PPHLN1: variants seen among roughly 807,000 people sequenced by gnomAD.
PPHLN1 encodes periphilin 1, also known as periphilin-1.
Under a neutral mutation model 51.3 loss-of-function variants are expected in PPHLN1, and 29 were observed. That is an observed-to-expected ratio of 0.57 (90% CI 0.42 to 0.77). The LOEUF (loss-of-function observed/expected upper bound fraction) is 0.77, where lower values mean the gene tolerates loss of function less well. Among genes scored for constraint, PPHLN1 ranks in the 30% least tolerant of loss-of-function variants. PPHLN1 has a pLI of 0.00. For synonymous variants in PPHLN1, 147 were observed against 147.8 expected, an observed-to-expected ratio of 0.99 and a Z score of 0.04; for missense variants, 436 against 438.4, an observed-to-expected ratio of 0.99 and a Z score of 0.05.
At chr12:42,359,742 G>A (rs1158423024) in intron 4 of PPHLN1, 1 of 152,218 alleles carries the variant, frequency 6.6e-6, no homozygotes, top group Non-Finnish European at 1.5e-5. Context: ...GGAAAGCCAT[G>A]TCAGTATTTT....
At chr12:42,376,406 A>G (rs1248551425) in intron 5 of PPHLN1, among the ~76,000 whole-genome samples, 1 of 152,218 alleles carries the variant, frequency 6.6e-6, no homozygotes, top group African/African-American at 2.4e-5. Context: ...GCAGAGATAG[A>G]TAGAGTGGGG....
intron 9 of PPHLN1, among the ~76,000 whole-genome samples, chr12:42,430,041 G>T (rs928815609): frequency 6.6e-6 from 1 of 152,078 alleles, no homozygotes; most frequent in African/African-American, 2.4e-5. Context: ...ACCAATGGCC[G>T]GGGGAGCTCC....
At position 42,335,865 on chromosome 12, in the gene PPHLN1, T is replaced by TC; in HGVS notation, c.-20-17dup. ...TACTTCCTAGTATAAAATCCATAAT[T>TC]CTTTTTTTTTTCTTTAGTGGCTTAC... On this transcript the variant is annotated splice_polypyrimidine_tract_variant and intron_variant, in intron 1 of 9. Coordinates refer to ENST00000358314, the MANE Select transcript of PPHLN1 (RefSeq NM_201439.2). 1 of 1,422,268 alleles carries TC rather than the reference T, an allele frequency of 7.0e-7. No individual in the cohort carries two copies. The highest frequency in any genetic ancestry group is 2.1e-5 in the Admixed American group (1 of 47,862). The allele number at this position is 1,422,268 out of a possible 1,614,324, so 88.1% of individuals were successfully genotyped here.
chr12:42,327,773 A>G (rs573476806), intron 1 of PPHLN1, among the ~76,000 whole-genome samples: 7 of 152,304 alleles, frequency 4.6e-5, no homozygotes, highest in African/African-American at 1.7e-4. Context: ...CTTGGCACAT[A>G]AGACAGTCAG....
At chr12:42,446,299 C>T (rs1283956124), downstream of PPHLN1, 1 of 1,562,682 alleles carries the variant, frequency 6.4e-7, no homozygotes. Context: ...AGGTATTGGT[C>T]CTTTTTATTC....
chr12:42,341,795 G>A (rs144971451), intron 2 of PPHLN1, among the ~76,000 whole-genome samples: 9 of 152,028 alleles, frequency 5.9e-5, no homozygotes, highest in Non-Finnish European at 1.3e-4. Context: ...CTAATTTTTT[G>A]TATTTTTGGT....
At chr12:42,330,428 A>G (rs2137660560) in intron 1 of PPHLN1, among the ~76,000 whole-genome samples, 1 of 152,318 alleles carries the variant, frequency 6.6e-6, no homozygotes, top group East Asian at 1.9e-4. Context: ...CTCATTGGGG[A>G]GAAACCTTGG....
At chr12:42,433,186 T>C (rs2082189509) in intron 9 of PPHLN1, 2 of 766,138 alleles carry the variant, frequency 2.6e-6, no homozygotes, top group Non-Finnish European at 4.9e-6. Context: ...ATCCAAACTT[T>C]AGCCACCCAC....
At chr12:42,370,747 G>A (rs2075723123) in intron 4 of PPHLN1, among the ~76,000 whole-genome samples, 1 of 152,104 alleles carries the variant, frequency 6.6e-6, no homozygotes, top group Non-Finnish European at 1.5e-5. Flanking sequence ...TTCTTCACTA[G>A]CTATATCTTA....
chr12:42,412,849 A>C (rs2079999594), intron 9 of PPHLN1, among the ~76,000 whole-genome samples: 1 of 151,804 alleles, frequency 6.6e-6, no homozygotes, highest in Non-Finnish European at 1.5e-5. Flanking sequence ...TCGTTGTTTT[A>C]ATTTGCATTT....
intron 2 of PPHLN1, among the ~76,000 whole-genome samples, chr12:42,346,781 C>T (rs534979849): frequency 6.6e-5 from 10 of 152,294 alleles, no homozygotes; most frequent in African/African-American, 2.2e-4. Context: ...CTGACCATAG[C>T]CATCCTTAAG....
intron 1 of PPHLN1, among the ~76,000 whole-genome samples, chr12:42,334,523 T>A (rs1421838828): frequency 6.6e-6 from 1 of 152,230 alleles, no homozygotes; most frequent in Non-Finnish European, 1.5e-5. Flanking sequence ...CCATTAGAAT[T>A]CTATAGCTGT....
At chr12:42,380,162 C>G (rs1029498777) in intron 5 of PPHLN1, among the ~76,000 whole-genome samples, 7 of 152,042 alleles carry the variant, frequency 4.6e-5, no homozygotes, top group Non-Finnish European at 1.0e-4. Flanking sequence ...GAAACTACCT[C>G]TCTGTTAATT....
intron 9 of PPHLN1, among the ~76,000 whole-genome samples, chr12:42,419,525 C>A (rs1040051000): frequency 1.3e-5 from 2 of 152,162 alleles, no homozygotes; most frequent in South Asian, 4.1e-4. Context: ...TGAGCCACCA[C>A]GCCTGGCCTT....
At chr12:42,444,891 G>A, downstream of PPHLN1, 1 of 577,856 alleles carries the variant, frequency 1.7e-6, no homozygotes, top group South Asian at 2.2e-5. Flanking sequence ...TGGAAAAGCG[G>A]CTATCTGGTG....
chr12:42,330,970 A>G (rs2069641425), intron 1 of PPHLN1, among the ~76,000 whole-genome samples: 1 of 152,210 alleles, frequency 6.6e-6, no homozygotes, highest in Non-Finnish European at 1.5e-5. Context: ...CGGCCTCCCA[A>G]AGTGCTGGGA....
At chr12:42,329,382 A>G (rs765426548) in intron 1 of PPHLN1, among the ~76,000 whole-genome samples, 108 of 152,054 alleles carry the variant, frequency 7.1e-4, no homozygotes, top group Middle Eastern at 3.4e-3. Context: ...TGGGATTACA[A>G]GCGTGAGCCA....
intron 7 of PPHLN1, among the ~76,000 whole-genome samples, chr12:42,389,413 A>C (rs1258780229): frequency 6.7e-6 from 1 of 149,834 alleles, no homozygotes; most frequent in Non-Finnish European, 1.5e-5. Context: ...AAAAACAATT[A>C]GCCGGGTGTG....
chr12:42,442,870 C>G (rs1474841523), downstream of PPHLN1: 7 of 1,402,680 alleles, frequency 5.0e-6, no homozygotes, highest in Non-Finnish European at 6.7e-6. Context: ...CTGCTTAAAG[C>G]TAGCAGAGCC....
Sources: gnomAD v4.1 joint callset for allele counts (sites outside exome capture counted in the v4.1 genomes callset) on GRCh38, gnomAD v4.1.1 for gene constraint, MANE v1.5 for transcripts, NCBI Gene and HGNC (gene_info 2026-07-23, HGNC 2026-07-21) for gene names.